AGBL4: variants seen among roughly 807,000 people sequenced by gnomAD.
AGBL4 encodes the protein cytosolic carboxypeptidase 6.
Under a neutral mutation model 66.4 loss-of-function variants are expected in AGBL4, and 58 were observed. The observed-to-expected ratio is 0.87, with a 90% CI of 0.71 to 1.09. The LOEUF (loss-of-function observed/expected upper bound fraction) is 1.09. AGBL4 is among the 50% of genes least tolerant of loss of function. The pLI, the probability that AGBL4 is intolerant of heterozygous loss-of-function variation, is 0.00. For missense variants in AGBL4, 579 were observed against 631.0 expected, an observed-to-expected ratio of 0.92 and a Z score of 0.88; for synonymous variants, 234 against 222.9, an observed-to-expected ratio of 1.05 and a Z score of -0.44.
At chr1:49,068,932 G>A (rs536515373) in intron 4 of AGBL4, among the ~76,000 whole-genome samples, 2 of 152,238 alleles carry the variant, frequency 1.3e-5, no homozygotes, top group South Asian at 4.1e-4. Context: ...TCTAACTGGC[G>A]TGAGATGGTA....
chr1:48,901,770 G>T (rs1652104470), intron 5 of AGBL4, among the ~76,000 whole-genome samples: 1 of 152,146 alleles, frequency 6.6e-6, no homozygotes, highest in Admixed American at 6.5e-5. Context: ...GGAGTGAGAA[G>T]AAGAGATTAC....
chr1:48,879,867 T>C (rs745842171), intron 5 of AGBL4, among the ~76,000 whole-genome samples: 1 of 152,152 alleles, frequency 6.6e-6, no homozygotes, highest in Non-Finnish European at 1.5e-5. Flanking sequence ...ACTTTGATCA[T>C]AGTATACAGT....
At chr1:49,483,968 G>T (rs918433583) in intron 3 of AGBL4, among the ~76,000 whole-genome samples, 1 of 151,880 alleles carries the variant, frequency 6.6e-6, no homozygotes, top group Non-Finnish European at 1.5e-5. Flanking sequence ...CTCAAAAGAA[G>T]ACATACAAAT....
At chr1:49,592,446 T>G (rs1310857153) in intron 3 of AGBL4, among the ~76,000 whole-genome samples, 1 of 152,172 alleles carries the variant, frequency 6.6e-6, no homozygotes, top group African/African-American at 2.4e-5. Context: ...GGCAGGCACC[T>G]GTAATCCTAG....
intron 4 of AGBL4, among the ~76,000 whole-genome samples, chr1:49,054,478 A>G (rs1251697438): frequency 1.3e-5 from 2 of 152,036 alleles, no homozygotes; most frequent in African/African-American, 2.4e-5. Context: ...TACTTGTTAA[A>G]TCAGCAAACC....
At chr1:49,441,284 G>A (rs868837918) in intron 3 of AGBL4, among the ~76,000 whole-genome samples, 3 of 152,166 alleles carry the variant, frequency 2.0e-5, no homozygotes, top group African/African-American at 7.2e-5. Context: ...GTGGGATAAT[G>A]GTGGAAGGAA....
intron 3 of AGBL4, among the ~76,000 whole-genome samples, chr1:49,469,188 T>C (rs546052890): frequency 7.9e-5 from 12 of 151,884 alleles, no homozygotes; most frequent in African/African-American, 1.9e-4. Flanking sequence ...AAAATACATA[T>C]GTTATTATTG....
chr1:48,699,434 G>T (rs1285881538), intron 6 of AGBL4, among the ~76,000 whole-genome samples: 2 of 152,108 alleles, frequency 1.3e-5, no homozygotes, highest in East Asian at 3.8e-4. Context: ...GATACTGTTT[G>T]CTGTCATGCC....
At chr1:49,187,984 G>C (rs1318211203) in intron 4 of AGBL4, among the ~76,000 whole-genome samples, 1 of 152,114 alleles carries the variant, frequency 6.6e-6, no homozygotes, top group Non-Finnish European at 1.5e-5. Flanking sequence ...CACGAGCTAT[G>C]ATGGTTTTAA....
chr1:49,196,254 G>T (rs185961679), intron 4 of AGBL4, among the ~76,000 whole-genome samples: 150 of 152,110 alleles, frequency 9.9e-4, no homozygotes, highest in South Asian at 2.3e-3. Flanking sequence ...TGTATGACTG[G>T]ATTAATTTAA....
intron 4 of AGBL4, among the ~76,000 whole-genome samples, chr1:49,243,234 C>T (rs1651377538): frequency 6.6e-6 from 1 of 151,410 alleles, no homozygotes; most frequent in African/African-American, 2.4e-5. Flanking sequence ...TAGTGCTTGC[C>T]TTGGTATTGG....
chr1:49,678,569 C>T (rs894390343), intron 3 of AGBL4, among the ~76,000 whole-genome samples: 6 of 151,984 alleles, frequency 3.9e-5, no homozygotes, highest in Admixed American at 6.6e-5. Context: ...TTTAGACTTT[C>T]TTCTTTTCTA....
chr1:49,063,549 C>A (rs1644439370), intron 4 of AGBL4, among the ~76,000 whole-genome samples: 1 of 152,136 alleles, frequency 6.6e-6, no homozygotes, highest in African/African-American at 2.4e-5. Context: ...AAATATTTAT[C>A]AAGTCCTGTT....
At chr1:49,351,633 T>C (rs1643909763) in intron 3 of AGBL4, among the ~76,000 whole-genome samples, 1 of 152,140 alleles carries the variant, frequency 6.6e-6, no homozygotes, top group Non-Finnish European at 1.5e-5. Flanking sequence ...CTCAGTTGAG[T>C]GCTAGTGATG....
intron 4 of AGBL4, among the ~76,000 whole-genome samples, chr1:49,208,640 G>C (rs942845328): frequency 6.6e-6 from 1 of 152,048 alleles, no homozygotes; most frequent in Non-Finnish European, 1.5e-5. Flanking sequence ...CACTCTAAGA[G>C]ATCTTTATCT....
chr1:49,756,608 C>A (rs1651905256), intron 2 of AGBL4, among the ~76,000 whole-genome samples: 1 of 152,206 alleles, frequency 6.6e-6, no homozygotes, highest in African/African-American at 2.4e-5. Context: ...ATAATCCCCA[C>A]ATGTTGTGGG....
intron 2 of AGBL4, among the ~76,000 whole-genome samples, chr1:49,807,993 C>A (rs937991035): frequency 6.6e-6 from 1 of 152,190 alleles, no homozygotes; most frequent in African/African-American, 2.4e-5. Context: ...GACTTTCCAA[C>A]CTCCAGAACT....
chr1:49,516,223 A>G (rs1480837354), intron 3 of AGBL4, among the ~76,000 whole-genome samples: 1 of 151,958 alleles, frequency 6.6e-6, no homozygotes, highest in Non-Finnish European at 1.5e-5. Context: ...ATAATAGGGA[A>G]CACAGGCAAA....
intron 4 of AGBL4, among the ~76,000 whole-genome samples, chr1:49,069,782 G>C (rs1644563744): frequency 6.6e-6 from 1 of 151,896 alleles, no homozygotes; most frequent in South Asian, 2.1e-4. Flanking sequence ...GTCAGTGGTA[G>C]CCTGATGGTG....
Sources: allele counts gnomAD v4.1 joint callset (sites outside exome capture counted in the v4.1 genomes callset), GRCh38; gene constraint gnomAD v4.1.1; transcripts MANE v1.5; gene names NCBI Gene and HGNC (gene_info 2026-07-23, HGNC 2026-07-21).